The following MIGA1 variants were observed in gnomAD, a reference collection of about 807,000 sequenced individuals.
MIGA1 encodes family with sequence similarity 73, member A.
In MIGA1, 58 loss-of-function variants were observed where a neutral mutation model predicts 82.0. The ratio of observed to expected loss-of-function variants is 0.71; its 90% CI spans 0.57 to 0.88. The LOEUF (loss-of-function observed/expected upper bound fraction) is 0.88. Ranked by LOEUF, MIGA1 falls within the 40% of genes least tolerant of loss-of-function variation. The pLI, the probability that MIGA1 is intolerant of heterozygous loss-of-function variation, is 0.00. For missense variants in MIGA1, 751 were observed against 749.1 expected (o/e 1.00, Z -0.03); for synonymous variants, 249 against 253.6 (o/e 0.98, Z 0.17).
chr1:77,811,136 T>A, intron 5 of MIGA1: 1 of 1,553,696 alleles, frequency 6.4e-7, no homozygotes, highest in Non-Finnish European at 8.9e-7. Context: ...TGAACATATG[T>A]ATCTTCTTTT....
Position 77,877,040 on chromosome 1 carries a change from C to A in MIGA1, c.*1976C>A, listed in dbSNP as rs1293172788. ...CCTTCTTTTAAGAGATGGGGTCTCG[C>A]TCTATTGCCCAGGCTGGAGTGCAGT... On this transcript the variant is annotated 3_prime_UTR_variant, in exon 16 of 16. Transcript: ENST00000370791. The A allele has an allele frequency of 6.6e-6, 1 of 152,066 alleles. No homozygotes were observed. The allele number at this position is 152,066 out of a possible 1,614,324, so 9.4% of individuals were successfully genotyped here.
chr1:77,836,481 G>A (rs1014300111), intron 7 of MIGA1, among the ~76,000 whole-genome samples: 2 of 152,180 alleles, frequency 1.3e-5, no homozygotes, highest in African/African-American at 4.8e-5. Flanking sequence ...CAGAAGGAGA[G>A]TAGGATATAT....
intron 8 of MIGA1, chr1:77,847,739 T>C: frequency 1.9e-6 from 3 of 1,592,286 alleles, no homozygotes; most frequent in Non-Finnish European, 2.6e-6. Context: ...AATGCAGCTT[T>C]CGTGAAGCCA....
chr1:77,819,607 A>C (rs563746719), intron 7 of MIGA1, among the ~76,000 whole-genome samples: 4 of 142,940 alleles, frequency 2.8e-5, no homozygotes, highest in Admixed American at 2.1e-4. Flanking sequence ...TTTGAGAGAG[A>C]GGGTCTGGCT....
chr1:77,803,213 C>G (rs903406733), intron 3 of MIGA1, 57 bp from the exon 4 acceptor site: 30 of 1,187,238 alleles, frequency 2.5e-5, no homozygotes, highest in Non-Finnish European at 3.3e-5. Flanking sequence ...AAATTTTTAC[C>G]TGAAATTTAT....
At chr1:77,800,608 C>T (rs1459990435) in intron 2 of MIGA1, among the ~76,000 whole-genome samples, 1 of 152,170 alleles carries the variant, frequency 6.6e-6, no homozygotes, top group Non-Finnish European at 1.5e-5. Flanking sequence ...GCTTCTTGCT[C>T]TGATGTTAGT....
intron 2 of MIGA1, 84 bp downstream of exon 2, chr1:77,783,435 GA>G (rs1682009620): frequency 2.6e-6 from 2 of 778,762 alleles, no homozygotes; most frequent in African/African-American, 3.5e-5. Context: ...AGTTTTATTT[GA>G]GGTTTCTATA....
intron 7 of MIGA1, among the ~76,000 whole-genome samples, chr1:77,829,041 G>C (rs1486773033): frequency 6.6e-6 from 1 of 152,124 alleles, no homozygotes; most frequent in African/African-American, 2.4e-5. Context: ...TGCTTTCTAT[G>C]TATTGTTTAG....
At position 77,843,333 on chromosome 1, in the gene MIGA1, G is replaced by A. The variant is rs1684695899; in HGVS notation, c.922G>A (p.Gly308Ser). Residue 308 changes from glycine (G) to serine (S), a missense_variant, in exon 8 of 16, where the codon GGT becomes AGT. This residue lies in a region of MIGA1 where 482 missense variants were observed against 439.4 expected (regional missense o/e 1.10). Transcript: ENST00000370791. ...TAAAGATACAGATATCACCATGAAGGGTAATGTGGAAGACTTTGGCCTGCG... is the reference window on the plus strand; with the variant it reads ...TAAAGATACAGATATCACCATGAAGAGTAATGTGGAAGACTTTGGCCTGCG... 6.2e-7 allele frequency: 1 copy of A among 1,613,504 alleles called. No individual in the cohort carries two copies. The highest frequency in any genetic ancestry group is 1.3e-5 in the African/African-American group (1 of 74,910).
At chr1:77,806,936 A>G (rs765943470) in intron 4 of MIGA1, 39 bp from the exon 5 acceptor site, 15 of 1,517,196 alleles carry the variant, frequency 9.9e-6, no homozygotes, top group Non-Finnish European at 1.3e-5. Flanking sequence ...TACTATCATG[A>G]GAGAGATTTG....
At chr1:77,838,470 C>T (rs1432398962) in intron 7 of MIGA1, among the ~76,000 whole-genome samples, 1 of 151,950 alleles carries the variant, frequency 6.6e-6, no homozygotes, top group Non-Finnish European at 1.5e-5. Flanking sequence ...TATTTAGAGA[C>T]AGAGTCTCAC....
At position 77,872,871 on chromosome 1, in the gene MIGA1, A is replaced by ACT. The variant is rs917759375; in HGVS notation, c.1564-130_1564-129dup. On this transcript the variant is annotated intron_variant, in intron 14 of 15. Coordinates refer to ENST00000370791, the MANE Select transcript of MIGA1 (RefSeq NM_198549.4). ...GGCCAGGAGTTTGAGGTGTTGCTAG[A>ACT]CTCTGGTTCTAAAAAACAAATTTTC... 3.8e-6 allele frequency: 4 copies of ACT among 1,060,948 alleles called. No homozygotes were observed. The East Asian group carries it at 9.4e-5, about 25-fold the overall frequency. The allele number at this position is 1,060,948 out of a possible 1,614,324, so 65.7% of individuals were successfully genotyped here.
chr1:77,847,429 T>C, intron 8 of MIGA1: 2 of 1,409,070 alleles, frequency 1.4e-6, no homozygotes, highest in Non-Finnish European at 2.0e-6. Context: ...CACAACTTGC[T>C]AAAAGCAGTT....
intron 5 of MIGA1, among the ~76,000 whole-genome samples, chr1:77,812,401 G>A (rs981707025): frequency 1.3e-5 from 2 of 152,056 alleles, no homozygotes; most frequent in Non-Finnish European, 2.9e-5. Flanking sequence ...CCGAGATGGT[G>A]CCACTGCTCT....
intron 7 of MIGA1, among the ~76,000 whole-genome samples, chr1:77,840,376 CTAAAG>C (rs1181703353): frequency 6.6e-6 from 1 of 152,032 alleles, no homozygotes; most frequent in African/African-American, 2.4e-5. Flanking sequence ...TTATTGTTGA[CTAAAG>C]TAAAACAGAC....
intron 15 of MIGA1, among the ~76,000 whole-genome samples, chr1:77,873,638 A>G (rs1166548303): frequency 6.6e-6 from 1 of 152,230 alleles, no homozygotes. Context: ...AATACAAGTT[A>G]TAGCTCCTTA....
At chr1:77,847,926 T>A (rs1684904284) in intron 8 of MIGA1, 1 of 1,408,936 alleles carries the variant, frequency 7.1e-7, no homozygotes, top group Non-Finnish European at 1.0e-6. Flanking sequence ...GAAACTAGAG[T>A]GAACTGCAGA....
intron 8 of MIGA1, among the ~76,000 whole-genome samples, chr1:77,846,162 G>A (rs904164638): frequency 3.3e-5 from 5 of 151,824 alleles, no homozygotes. Context: ...CCAGCCCTTG[G>A]CACCCAATAC....
At chr1:77,792,417 G>A (rs1269044779) in intron 2 of MIGA1, among the ~76,000 whole-genome samples, 1 of 152,182 alleles carries the variant, frequency 6.6e-6, no homozygotes, top group Non-Finnish European at 1.5e-5. Context: ...CAAGCATGCA[G>A]TTAGGTAAGT....
Sources: gnomAD v4.1 joint callset for allele counts (sites outside exome capture counted in the v4.1 genomes callset) on GRCh38, gnomAD v4.1.1 for gene constraint, gnomAD v4.1.1 regional missense constraint, MANE v1.5 for transcripts, NCBI Gene and HGNC (gene_info 2026-07-23, HGNC 2026-07-21) for gene names.